Variants in PCBP3 observed in about 807,000 individuals in gnomAD.
The protein encoded by PCBP3 is poly(rC)-binding protein 3.
Under a neutral mutation model 52.7 loss-of-function variants are expected in PCBP3, and 25 were observed. The ratio of observed to expected loss-of-function variants is 0.47; its 90% CI spans 0.35 to 0.66. The LOEUF is 0.66. PCBP3 is among the 30% of genes least tolerant of loss of function. The pLI, the probability that PCBP3 is intolerant of heterozygous loss-of-function variation, is 0.01. For missense variants in PCBP3, 391 were observed against 490.3 expected (o/e 0.80, Z 1.91); for synonymous variants, 162 against 183.0 (o/e 0.89, Z 0.93).
rs2092334428 is a variant in PCBP3 at position 45,802,262 on chromosome 21, G to A, written c.-126+46810G>A. 6.6e-6 allele frequency among the ~76,000 whole-genome samples: 1 copy of A among 152,204 alleles called. No individual in the cohort carries two copies. The highest frequency in any genetic ancestry group is 1.5e-5 in the Non-Finnish European group (1 of 68,034). On this transcript the variant is annotated intron_variant, in intron 4 of 17. Coordinates refer to ENST00000681687, the MANE Select transcript of PCBP3 (RefSeq NM_001384156.1). This position sits in a 1 kb window ranked among gnomAD's most constrained non-coding sequence, Gnocchi z 5.1. ...GTGCAGAGGCTCACAGCTGGGTGCT[G>A]GGGCTGGGGGTGAGCTAGCTGTCCG...
chr21:45,740,177 C>G (rs2086318492), intron 3 of PCBP3, among the ~76,000 whole-genome samples: 1 of 152,218 alleles, frequency 6.6e-6, no homozygotes, highest in Admixed American at 6.5e-5. Context: ...AGTCGCGTTT[C>G]CTCCCTTGGC....
chr21:45,839,456 C>T (rs540816081), intron 4 of PCBP3, among the ~76,000 whole-genome samples: 1 of 152,318 alleles, frequency 6.6e-6, no homozygotes, highest in East Asian at 1.9e-4. Flanking sequence ...GTTGGCCCAA[C>T]CCCATTTTAT....
intron 5 of PCBP3, among the ~76,000 whole-genome samples, chr21:45,883,849 A>C (rs995207684): frequency 2.0e-5 from 3 of 152,354 alleles, no homozygotes; most frequent in Admixed American, 2.0e-4. Context: ...TCTGTGCTTC[A>C]ATTGGTGTAT....
intron 4 of PCBP3, among the ~76,000 whole-genome samples, chr21:45,842,024 G>A (rs866239536): frequency 3.9e-5 from 6 of 152,292 alleles, no homozygotes; most frequent in South Asian, 2.1e-4. Context: ...TCTTTCTCTA[G>A]CACTTTCAAT....
chr21:45,843,707 G>C (rs144204952), intron 4 of PCBP3, among the ~76,000 whole-genome samples: 2 of 152,290 alleles, frequency 1.3e-5, no homozygotes, highest in South Asian at 2.1e-4. Context: ...ATATTTAATT[G>C]CCTACTGAGT....
chr21:45,847,500 T>G (rs2093841405), intron 4 of PCBP3, among the ~76,000 whole-genome samples: 1 of 152,224 alleles, frequency 6.6e-6, no homozygotes, highest in African/African-American at 2.4e-5. Context: ...TCTTTTGTAG[T>G]GGGTTTGGGC....
intron 4 of PCBP3, among the ~76,000 whole-genome samples, chr21:45,813,701 C>T (rs2092746914): frequency 6.6e-6 from 1 of 152,204 alleles, no homozygotes; most frequent in Admixed American, 6.5e-5. Flanking sequence ...GCCTTGGCCT[C>T]CCAAAGTGCT....
intron 4 of PCBP3, among the ~76,000 whole-genome samples, chr21:45,813,881 T>C (rs1013050467): frequency 6.6e-6 from 1 of 152,260 alleles, no homozygotes; most frequent in Non-Finnish European, 1.5e-5. Flanking sequence ...TGCATCTACA[T>C]ATGTGCAGTA....
At chr21:45,922,624 C>T (rs2074605457) in intron 13 of PCBP3, among the ~76,000 whole-genome samples, 1 of 152,224 alleles carries the variant, frequency 6.6e-6, no homozygotes, top group South Asian at 2.1e-4. Context: ...TAATCACTCC[C>T]TTACTTAACG....
chr21:45,815,128 GGTGA>G (rs1229327372), intron 4 of PCBP3, among the ~76,000 whole-genome samples: 2 of 94,038 alleles, frequency 2.1e-5, no homozygotes, highest in African/African-American at 4.5e-5. Context: ...AGTGGTGAGT[GGTGA>G]GTGAGTGGTG....
At chr21:45,665,049 C>T (rs1038788916) in intron 1 of PCBP3, among the ~76,000 whole-genome samples, 1 of 151,750 alleles carries the variant, frequency 6.6e-6, no homozygotes, top group Non-Finnish European at 1.5e-5. Flanking sequence ...TTTTTTGTAG[C>T]TATCACAAAT....
intron 2 of PCBP3, among the ~76,000 whole-genome samples, chr21:45,726,617 C>T (rs1216773705): frequency 1.3e-5 from 2 of 152,200 alleles, no homozygotes; most frequent in African/African-American, 2.4e-5. Context: ...GTCCCTGTGT[C>T]GCAGACAGTG....
intron 15 of PCBP3, among the ~76,000 whole-genome samples, chr21:45,931,177 C>T (rs887710771): frequency 1.3e-5 from 2 of 152,248 alleles, no homozygotes; most frequent in African/African-American, 4.8e-5. Flanking sequence ...GCTGGATTTG[C>T]CTGCACCCCT....
intron 2 of PCBP3, among the ~76,000 whole-genome samples, chr21:45,714,389 C>T (rs1429394026): frequency 1.3e-5 from 2 of 152,146 alleles, no homozygotes; most frequent in Non-Finnish European, 2.9e-5. Context: ...CTGGGTTCTA[C>T]GTCTCTTAAC....
At chr21:45,725,728 G>A (rs1050871668) in intron 2 of PCBP3, among the ~76,000 whole-genome samples, 2 of 152,158 alleles carry the variant, frequency 1.3e-5, no homozygotes, top group Admixed American at 6.5e-5. Flanking sequence ...AGGCTGAGCA[G>A]GAGTGGCTGA....
At chr21:45,644,561 A>G (rs535263694) in intron 1 of PCBP3, among the ~76,000 whole-genome samples, 19 of 152,200 alleles carry the variant, frequency 1.2e-4, no homozygotes, top group African/African-American at 4.6e-4. Flanking sequence ...GCCACTCTGA[A>G]GTATATTACT....
At chr21:45,709,832 G>A (rs1278916329) in intron 2 of PCBP3, among the ~76,000 whole-genome samples, 2 of 152,144 alleles carry the variant, frequency 1.3e-5, no homozygotes, top group African/African-American at 4.8e-5. Flanking sequence ...TAATCATTGT[G>A]GTTCCTCAGG....
At chr21:45,846,937 T>C (rs2093826948) in intron 4 of PCBP3, among the ~76,000 whole-genome samples, 2 of 152,372 alleles carry the variant, frequency 1.3e-5, no homozygotes, top group African/African-American at 4.8e-5. Context: ...GTGAGCCAAG[T>C]GGAAATTTTT....
rs184534525 is a variant in PCBP3, at chr21:45,656,674, A to C, written c.-278-12200A>C. Among the ~76,000 whole-genome samples the C allele has an allele frequency of 9.2e-5, 14 of 152,226 alleles. No individual in the cohort carries two copies. In the East Asian group the frequency reaches 2.7e-3, roughly 29 times the overall value. ...AAAAAATAGCTGAAAACAAAAACAA[A>C]AATAAATAAATCCTTTGCCCATTTA... On this transcript the variant is annotated intron_variant, in intron 1 of 17. Coordinates refer to ENST00000681687, the MANE Select transcript of PCBP3 (RefSeq NM_001384156.1). The surrounding 1 kb of genome is among the most constrained non-coding windows in gnomAD (Gnocchi z 4.3).
Sources: gnomAD v4.1 joint callset for allele counts (sites outside exome capture counted in the v4.1 genomes callset) on GRCh38, gnomAD v4.1.1 for gene constraint, Gnocchi (gnomAD v3.1) non-coding constraint, MANE v1.5 for transcripts, NCBI Gene and HGNC (gene_info 2026-07-23, HGNC 2026-07-21) for gene names.